Variants in ODAD2 observed in about 807,000 individuals in gnomAD.
ODAD2 encodes outer dynein arm-docking complex subunit 2.
In ODAD2, 89 loss-of-function variants were observed where a neutral mutation model predicts 106.8. The observed-to-expected ratio is 0.83, with a 90% CI of 0.70 to 0.99. The LOEUF is 0.99. Ranked by LOEUF, ODAD2 falls within the 50% of genes least tolerant of loss-of-function variation. ODAD2 has a pLI of 0.00. For synonymous variants in ODAD2, 404 were observed against 436.2 expected, an observed-to-expected ratio of 0.93 and a Z score of 0.92; for missense variants, 1,168 against 1,238.5, an observed-to-expected ratio of 0.94 and a Z score of 0.85.
At chr10:27,835,754 G>A (rs895070025) in intron 19 of ODAD2, among the ~76,000 whole-genome samples, 4 of 152,034 alleles carry the variant, frequency 2.6e-5, no homozygotes, top group African/African-American at 9.7e-5. Flanking sequence ...GCGAAACACT[G>A]TCTGTACTAA....
chr10:27,994,903 C>T lies in ODAD2; in HGVS notation c.224+16G>A, dbSNP rs552786343. The stretch of plus-strand genomic sequence containing the variant: ...CAACGAAGATATCAAATCCTAGAAG[C>T]AAGTAACTGGCTTACCTGACAACAT... On this transcript the variant is annotated intron_variant, in intron 2 of 19. Transcript: ENST00000305242. The T allele has an allele frequency of 3.7e-6, 6 of 1,612,822 alleles. No individual in the cohort carries two copies. Among genetic ancestry groups the T allele is most frequent in the Non-Finnish European group, 5.1e-6 (6 of 1,179,236 alleles).
intron 16 of ODAD2, among the ~76,000 whole-genome samples, chr10:27,921,010 T>C (rs931719795): frequency 3.3e-5 from 5 of 152,328 alleles, no homozygotes; most frequent in African/African-American, 7.2e-5. Context: ...CACTGGGCCA[T>C]GTAACAATCA....
At chr10:27,848,814 C>G (rs1839009633) in intron 19 of ODAD2, among the ~76,000 whole-genome samples, 1 of 152,204 alleles carries the variant, frequency 6.6e-6, no homozygotes, top group South Asian at 2.1e-4. Context: ...CTCATCATCA[C>G]TGGCCATCAG....
At chr10:27,823,548 G>A (rs1836779207) in intron 19 of ODAD2, among the ~76,000 whole-genome samples, 1 of 152,140 alleles carries the variant, frequency 6.6e-6, no homozygotes, top group African/African-American at 2.4e-5. Flanking sequence ...TTCCTAATAA[G>A]ATAGATATGG....
At chr10:27,909,187 T>C (rs1843810192) in intron 16 of ODAD2, among the ~76,000 whole-genome samples, 1 of 152,148 alleles carries the variant, frequency 6.6e-6, no homozygotes, top group Non-Finnish European at 1.5e-5. Context: ...CAACAGTGAA[T>C]AATGGCCTGC....
chr10:27,852,851 C>G (rs1324281808), intron 19 of ODAD2, among the ~76,000 whole-genome samples: 1 of 151,292 alleles, frequency 6.6e-6, no homozygotes, highest in Non-Finnish European at 1.5e-5. Flanking sequence ...ATCTCAGCTA[C>G]TCAGGAGGCT....
rs374317906 is a variant in ODAD2 at position 27,900,916 on chromosome 10, C to G, written c.2610+6747G>C. ...CAGGATATTATCCAGCAGAACTTCC[C>G]CAACCTAGCAAGACAGGCCAACATT... On this transcript the variant is annotated intron_variant, in intron 17 of 19. Transcript: ENST00000305242. Among the ~76,000 whole-genome samples, 3 of 152,134 alleles carry G rather than the reference C, an allele frequency of 2.0e-5. No individual in the cohort carries two copies. In the East Asian group the frequency reaches 5.8e-4, roughly 29 times the overall value.
intron 14 of ODAD2, among the ~76,000 whole-genome samples, chr10:27,939,079 T>A (rs1325499199): frequency 1.3e-5 from 2 of 152,128 alleles, no homozygotes; most frequent in African/African-American, 2.4e-5. Flanking sequence ...ATGAAATGTA[T>A]CATACACAAA....
chr10:27,850,444 CAAAAA>C (rs10713871), intron 19 of ODAD2, among the ~76,000 whole-genome samples: 2 of 89,580 alleles, frequency 2.2e-5, no homozygotes. Flanking sequence ...GACTCCGTCT[CAAAAA>C]AAAAAAAAAA....
intron 17 of ODAD2, among the ~76,000 whole-genome samples, chr10:27,899,276 C>T (rs1355570485): frequency 6.6e-6 from 1 of 152,056 alleles, no homozygotes; most frequent in Non-Finnish European, 1.5e-5. Flanking sequence ...ACAGTATACT[C>T]TGGCCCAGAT....
intron 16 of ODAD2, among the ~76,000 whole-genome samples, chr10:27,924,233 T>C (rs551194497): frequency 1.3e-5 from 2 of 151,000 alleles, no homozygotes; most frequent in Non-Finnish European, 2.9e-5. Context: ...TAAAATTCTC[T>C]GTGTAGTTAA....
chr10:27,942,109 C>T (rs1846499613), intron 12 of ODAD2, among the ~76,000 whole-genome samples: 1 of 152,136 alleles, frequency 6.6e-6, no homozygotes, highest in South Asian at 2.1e-4. Context: ...ATAAATGATG[C>T]AGTATGGAAG....
chr10:27,907,581 A>G lies in ODAD2; in HGVS notation c.2610+82T>C, dbSNP rs1589985190. 3.4e-6 allele frequency: 3 copies of G among 890,732 alleles called. No homozygotes were observed. In the East Asian group the frequency reaches 7.7e-5, roughly 23 times the overall value. 55.2% of individuals were successfully genotyped at this position (890,732 alleles called of 1,614,324 possible). On this transcript the variant is annotated intron_variant, in intron 17 of 19. Transcript: ENST00000305242. ...GATAAATCTGACTTACAATAAGTCA[A>G]AAGCAATTAGTAACCTGTGGTGGCA...
intron 17 of ODAD2, among the ~76,000 whole-genome samples, chr10:27,872,327 C>T (rs142700404): frequency 0.03 from 4,495 of 151,980 alleles, 141 homozygotes; most frequent in East Asian, 0.13. Flanking sequence ...TTCCTCTTTT[C>T]CTAATTAAAT....
At chr10:27,863,706 G>T (rs756900041) in intron 17 of ODAD2, among the ~76,000 whole-genome samples, 1 of 152,158 alleles carries the variant, frequency 6.6e-6, no homozygotes, top group African/African-American at 2.4e-5. Context: ...TAATATAAAG[G>T]TTCAAGGGCT....
rs201550932 is a variant in ODAD2 at position 27,938,597 on chromosome 10, C to CT, written c.2097+1299dup. On this transcript the variant is annotated intron_variant, in intron 14 of 19. Coordinates refer to ENST00000305242, the MANE Select transcript of ODAD2 (RefSeq NM_018076.5). ...AATGACTCCCTTGTATCTGTCTCTT[C>CT]TTTTTTCTTTTTTTTTTCTCTTCTG... is the stretch of plus-strand genomic sequence containing the variant. Among the ~76,000 whole-genome samples the CT allele has an allele frequency of 4.6e-3, 693 of 149,238 alleles. 16 individuals carry two copies. Among genetic ancestry groups the CT allele is most frequent in the Non-Finnish European group, 5.7e-3 (386 of 67,222 alleles).
At chr10:27,938,874 ACGGGGACTGCAGGGC>A (rs770815840) in intron 14 of ODAD2, among the ~76,000 whole-genome samples, 38 of 152,118 alleles carry the variant, frequency 2.5e-4, no homozygotes, top group Non-Finnish European at 3.8e-4. Flanking sequence ...TGCTGGGAAT[ACGGGGACTGCAGGGC>A]CGGGTACAGC....
intron 19 of ODAD2, among the ~76,000 whole-genome samples, chr10:27,845,265 T>G (rs892167229): frequency 6.6e-6 from 1 of 152,176 alleles, no homozygotes; most frequent in Non-Finnish European, 1.5e-5. Context: ...GGGGCTGATA[T>G]TCAACATTCT....
At chr10:27,937,686 C>T (rs1846089483) in intron 14 of ODAD2, among the ~76,000 whole-genome samples, 1 of 152,156 alleles carries the variant, frequency 6.6e-6, no homozygotes, top group Non-Finnish European at 1.5e-5. Context: ...CCATGTGATC[C>T]AGATATGTGT....
Sources: gnomAD v4.1 joint callset for allele counts (sites outside exome capture counted in the v4.1 genomes callset) on GRCh38, gnomAD v4.1.1 for gene constraint, MANE v1.5 for transcripts, NCBI Gene and HGNC (gene_info 2026-07-23, HGNC 2026-07-21) for gene names.